Variants in UGGT2 observed in about 807,000 individuals in gnomAD.
UGGT2 encodes the protein UDP-glucose glycoprotein glucosyltransferase 2.
A neutral mutation model predicts 192.1 loss-of-function variants in UGGT2; 180 were observed. The observed-to-expected ratio is 0.94, with a 90% CI of 0.83 to 1.06. UGGT2 has a LOEUF of 1.06. Among genes scored for constraint, UGGT2 ranks in the 50% least tolerant of loss-of-function variants. The pLI is 0.00. For synonymous variants in UGGT2, 580 were observed against 591.0 expected (o/e 0.98, Z 0.27); for missense variants, 1,849 against 1,795.7 (o/e 1.03, Z -0.54).
In UGGT2 at chr13:95,968,074, A is replaced by C. The variant is rs565890802; in HGVS notation, c.1335+2038T>G. Among the ~76,000 whole-genome samples the C allele has an allele frequency of 3.9e-5, 6 of 152,244 alleles. No individual in the cohort carries two copies. The East Asian group carries it at 9.6e-4, about 24-fold the overall frequency. On this transcript the variant is annotated intron_variant, in intron 12 of 38. Coordinates refer to ENST00000376747, the MANE Select transcript of UGGT2 (RefSeq NM_020121.4). Reference sequence around the variant, plus strand: ...CTCATTTCTAACAGTTACTCCTTTTATAATAATATTAAATCTTAAGGATAA... The same window carrying C: ...CTCATTTCTAACAGTTACTCCTTTTCTAATAATATTAAATCTTAAGGATAA...
At position 96,027,309 on chromosome 13, in the gene UGGT2, T is replaced by C. The variant is rs184015313; in HGVS notation, c.242-3550A>G. The stretch of plus-strand genomic sequence containing the variant: ...AGGTCACCATCAAGGTTGTCCCTTA[T>C]GTAGTAATGAATGTAGGATTCAGGA... On this transcript the variant is annotated intron_variant, in intron 2 of 38. Coordinates refer to ENST00000376747, the MANE Select transcript of UGGT2 (RefSeq NM_020121.4). Among the ~76,000 whole-genome samples the C allele has an allele frequency of 1.6e-3, 247 of 152,274 alleles. 1 individual carries two copies. Among genetic ancestry groups the C allele is most frequent in the African/African-American group, 5.0e-3 (209 of 41,562 alleles).
At chr13:95,984,572 C>A (rs946048221) in intron 9 of UGGT2, among the ~76,000 whole-genome samples, 3 of 152,062 alleles carry the variant, frequency 2.0e-5, no homozygotes, top group African/African-American at 7.2e-5. Context: ...TCAAGTGACC[C>A]TCCTACTGCC....
chr13:96,017,687 A>G (rs920004919), intron 4 of UGGT2, among the ~76,000 whole-genome samples: 6 of 152,194 alleles, frequency 3.9e-5, no homozygotes, highest in African/African-American at 7.2e-5. Flanking sequence ...TTTTTTAAGT[A>G]TGTCTGTATA....
intron 19 of UGGT2, among the ~76,000 whole-genome samples, chr13:95,926,162 T>C (rs2049009353): frequency 6.6e-6 from 1 of 152,076 alleles, no homozygotes; most frequent in African/African-American, 2.4e-5. Flanking sequence ...ATCAAGCTTA[T>C]TAGTAGATAT....
At chr13:95,851,483 G>GA (rs1413615003) in intron 36 of UGGT2, among the ~76,000 whole-genome samples, 3 of 152,116 alleles carry the variant, frequency 2.0e-5, no homozygotes, top group Non-Finnish European at 4.4e-5. Flanking sequence ...GAAAAGTAGA[G>GA]AAAAAGTAGT....
At chr13:95,992,316 T>C (rs992814519) in intron 7 of UGGT2, among the ~76,000 whole-genome samples, 6 of 152,220 alleles carry the variant, frequency 3.9e-5, no homozygotes, top group Admixed American at 2.0e-4. Flanking sequence ...ATTCTTCCAA[T>C]CCATGAGCAT....
At chr13:95,952,075 T>C (rs138644404) in intron 12 of UGGT2, among the ~76,000 whole-genome samples, 25 of 150,640 alleles carry the variant, frequency 1.7e-4, no homozygotes, top group African/African-American at 5.6e-4. Context: ...AAGATACATA[T>C]TAGTCATAGG....
chr13:96,005,528 G>C (rs990761571), intron 5 of UGGT2, among the ~76,000 whole-genome samples: 5 of 152,162 alleles, frequency 3.3e-5, no homozygotes, highest in Admixed American at 1.3e-4. Context: ...TTAATCTTCA[G>C]AGGCAAGGGC....
chr13:95,999,591 A>G (rs957779700), intron 5 of UGGT2, among the ~76,000 whole-genome samples: 35 of 152,180 alleles, frequency 2.3e-4, no homozygotes, highest in African/African-American at 8.2e-4. Flanking sequence ...CTGTTATAAC[A>G]TGTCTTCAAT....
chr13:96,013,439 T>C lies in UGGT2; in HGVS notation c.528A>G (p.Thr176=), dbSNP rs956654074. The C allele has an allele frequency of 3.1e-6, 5 of 1,601,320 alleles. No individual in the cohort carries two copies. The African/African-American group carries it at 6.7e-5, about 22-fold the overall frequency. The change falls in exon 5 of 39, where the codon ACA becomes ACG. Residue 176 remains threonine (T), a synonymous_variant. Coordinates refer to ENST00000376747, the MANE Select transcript of UGGT2 (RefSeq NM_020121.4). ...TCACCACTGGTAAGTTCTCTTTGTT[T>C]GTAGGAAATTTGTGATCTCCTTTAA... ...YLFKGDHKFP[T]NKENLPVVIL...
In UGGT2 at chr13:95,837,176, T is replaced by C; in HGVS notation, c.4311A>G (p.Gln1437=). ...DQDLPNNMIY[Q]VAIKSLPQDW... is the part of the protein sequence containing the mutation. The stretch of plus-strand genomic sequence containing the variant: ...CTTGAGGAAGAGACTTAATGGCGAC[T>C]TGGTAAATCATATTATTGGGGAGAT... The change falls in exon 37 of 39, where the codon CAA becomes CAG. Residue 1437 remains glutamine, a synonymous_variant. Transcript: ENST00000376747. 1 of 1,613,886 alleles carries C rather than the reference T, an allele frequency of 6.2e-7. No individual in the cohort carries two copies. The highest frequency in any genetic ancestry group is 8.5e-7 in the Non-Finnish European group (1 of 1,179,814).
chr13:95,972,572 A>G lies in UGGT2; in HGVS notation c.1184+8T>C. The stretch of plus-strand genomic sequence containing the variant: ...ATAGTTCATTTACAGCAATAATTTA[A>G]TACTTACCTAAAAGCGTCATAAACA... On this transcript the variant is annotated splice_region_variant and intron_variant, in intron 11 of 38. Coordinates refer to ENST00000376747, the MANE Select transcript of UGGT2 (RefSeq NM_020121.4). 5.6e-6 allele frequency: 9 copies of G among 1,598,682 alleles called. No homozygotes were observed. The highest frequency in any genetic ancestry group is 7.7e-6 in the Non-Finnish European group (9 of 1,167,424).
At chr13:95,834,069 C>A (rs1045420866) in intron 37 of UGGT2, among the ~76,000 whole-genome samples, 1 of 152,116 alleles carries the variant, frequency 6.6e-6, no homozygotes. Context: ...GGTAAGTGGA[C>A]AACACAATTT....
Position 95,918,255 on chromosome 13 carries a change from T to C in UGGT2, c.2295+7425A>G, listed in dbSNP as rs149210436. On this transcript the variant is annotated intron_variant, in intron 20 of 38. Coordinates refer to ENST00000376747, the MANE Select transcript of UGGT2 (RefSeq NM_020121.4). ...TCAAAACCACACAACTACATGAAAA[T>C]TGAACAACCTGCTCCTGAATGACTC... Among the ~76,000 whole-genome samples, 51 of 152,166 alleles carry C rather than the reference T, an allele frequency of 3.4e-4. No individual in the cohort carries two copies. In the South Asian group the frequency reaches 8.9e-3, roughly 27 times the overall value.
At chr13:95,917,166 A>C (rs1317358360) in intron 20 of UGGT2, among the ~76,000 whole-genome samples, 1 of 152,212 alleles carries the variant, frequency 6.6e-6, no homozygotes, top group African/African-American at 2.4e-5. Context: ...TAGGTCATCC[A>C]CAAAGGGAAG....
At chr13:95,993,160 C>T (rs2051507935) in intron 7 of UGGT2, among the ~76,000 whole-genome samples, 1 of 152,078 alleles carries the variant, frequency 6.6e-6, no homozygotes, top group African/African-American at 2.4e-5. Context: ...ACCAAATACC[C>T]TGTGTTCTCA....
At chr13:95,830,080 T>C (rs956311042) in intron 38 of UGGT2, among the ~76,000 whole-genome samples, 1 of 152,184 alleles carries the variant, frequency 6.6e-6, no homozygotes, top group African/African-American at 2.4e-5. Flanking sequence ...TAGTCATATG[T>C]AGAAAGCTGA....
intron 1 of UGGT2, among the ~76,000 whole-genome samples, chr13:96,035,281 AT>A (rs990629242): frequency 1.3e-5 from 2 of 152,198 alleles, no homozygotes; most frequent in African/African-American, 4.8e-5. Flanking sequence ...AGCATCTGAT[AT>A]TTGACAAACC....
chr13:95,990,792 G>T (rs1216857898), intron 7 of UGGT2: 3 of 151,700 alleles, frequency 2.0e-5, no homozygotes, highest in Admixed American at 2.0e-4. Context: ...TGTTACACAG[G>T]TATACACGTG....
Sources: gnomAD v4.1 joint callset for allele counts (sites outside exome capture counted in the v4.1 genomes callset) on GRCh38, gnomAD v4.1.1 for gene constraint, MANE v1.5 for transcripts, NCBI Gene and HGNC (gene_info 2026-07-23, HGNC 2026-07-21) for gene names.